The following WDR20 variants were observed in gnomAD, a reference collection of about 807,000 sequenced individuals.
The protein encoded by WDR20 is WD repeat domain 20, also known as WD repeat-containing protein 20.
In WDR20, 3 loss-of-function variants were observed where a neutral mutation model predicts 38.7. That is an observed-to-expected ratio of 0.08 (90% CI 0.04 to 0.20). The LOEUF (loss-of-function observed/expected upper bound fraction) is 0.20, where lower values mean the gene tolerates loss of function less well. Among genes scored for constraint, WDR20 ranks in the 10% least tolerant of loss-of-function variants. The pLI, the probability that WDR20 is intolerant of heterozygous loss-of-function variation, is 1.00. For synonymous variants in WDR20, 298 were observed against 285.6 expected (o/e 1.04, Z -0.44); for missense variants, 559 against 727.7 (o/e 0.77, Z 2.67).
chr14:102,213,028 A>T, downstream of WDR20: 1 of 990,676 alleles, frequency 1.0e-6, no homozygotes, highest in Non-Finnish European at 1.2e-6. Context: ...CCACCCGGCA[A>T]GGGGGCGAGC....
chr14:102,203,712 G>A (rs1201537113), intron 2 of WDR20, among the ~76,000 whole-genome samples: 2 of 152,040 alleles, frequency 1.3e-5, no homozygotes, highest in African/African-American at 4.8e-5. Context: ...TCCCTCAGAG[G>A]GACCGGGTAT....
At chr14:102,169,217 C>T (rs1180859802) in intron 1 of WDR20, among the ~76,000 whole-genome samples, 2 of 152,150 alleles carry the variant, frequency 1.3e-5, no homozygotes, top group Admixed American at 6.5e-5. Context: ...CCCCAGTGGC[C>T]ATGGCGCTGG....
intron 1 of WDR20, among the ~76,000 whole-genome samples, chr14:102,160,785 A>G (rs1368389376): frequency 1.3e-5 from 2 of 150,834 alleles, no homozygotes; most frequent in Non-Finnish European, 3.0e-5. Context: ...TACTAAATAT[A>G]TAAAAAAAAA....
intron 1 of WDR20, among the ~76,000 whole-genome samples, chr14:102,188,872 CAAAAAAAAA>C (rs34508888): frequency 1.0e-4 from 10 of 97,540 alleles, no homozygotes; most frequent in East Asian, 3.8e-4. Context: ...GACCCTGTTT[CAAAAAAAAA>C]AAAAAAAAAA....
At chr14:102,165,740 G>A (rs926216351) in intron 1 of WDR20, among the ~76,000 whole-genome samples, 21 of 150,298 alleles carry the variant, frequency 1.4e-4, no homozygotes, top group South Asian at 2.1e-4. Flanking sequence ...AGGCTCAGGT[G>A]ATCCTCCCAC....
At chr14:102,211,978 G>C (rs1264640186), downstream of WDR20, among the ~76,000 whole-genome samples, 1 of 152,150 alleles carries the variant, frequency 6.6e-6, no homozygotes, top group African/African-American at 2.4e-5. This position sits in a 1 kb window ranked among gnomAD's most constrained non-coding sequence, Gnocchi z 4.2. Context: ...ACCGACTGGG[G>C]ACTCTCTGAT....
In WDR20 at chr14:102,210,093, C is replaced by T; in HGVS notation, c.*213C>T. 7.5e-7 allele frequency: 1 copy of T among 1,328,946 alleles called. No homozygotes were observed. 82.3% of individuals were successfully genotyped at this position (1,328,946 alleles called of 1,614,324 possible). On this transcript the variant is annotated 3_prime_UTR_variant, in exon 3 of 3. Coordinates refer to ENST00000342702, the MANE Select transcript of WDR20 (RefSeq NM_144574.4). ...AAAAAAATATAATCAAACTAATTGC[C>T]AGCCAAGTCAGTCATCCTCCTGGGA...
intron 1 of WDR20, among the ~76,000 whole-genome samples, chr14:102,173,848 T>C (rs2061502892): frequency 6.6e-6 from 1 of 152,016 alleles, no homozygotes; most frequent in Non-Finnish European, 1.5e-5. Flanking sequence ...ATCGAGACCA[T>C]CCTGGCTAAC....
rs111610463 is a variant in WDR20, at chr14:102,175,850, C to T, written c.250-19088C>T. On this transcript the variant is annotated intron_variant, in intron 1 of 2. Transcript: ENST00000342702. The stretch of plus-strand genomic sequence containing the variant: ...GTTAAGTTCTTGATTTGATTCTCAG[C>T]TTGGTCGCTGTTGGTATATAGCAGA... Among the ~76,000 whole-genome samples, 1,413 of 152,272 alleles carry T rather than the reference C, an allele frequency of 9.3e-3. 18 individuals are homozygous for T. Among genetic ancestry groups the T allele is most frequent in the African/African-American group, 0.031 (1,300 of 41,544 alleles).
At chr14:102,213,632 A>T, downstream of WDR20, 1 of 985,154 alleles carries the variant, frequency 1.0e-6, no homozygotes, top group Non-Finnish European at 1.2e-6. Flanking sequence ...GGCTGACTTC[A>T]CCCCCAGGGC....
downstream of WDR20, chr14:102,212,372 A>G (rs995303252): frequency 1.2e-6 from 1 of 855,750 alleles, no homozygotes; most frequent in Admixed American, 2.5e-5. Context: ...TTCAGGGCCC[A>G]GTGGAGAGCA....
chr14:102,162,892 G>A lies in WDR20; in HGVS notation c.249+22720G>A, dbSNP rs150892639. On this transcript the variant is annotated intron_variant, in intron 1 of 2. Coordinates refer to ENST00000342702, the MANE Select transcript of WDR20 (RefSeq NM_144574.4). ...CTCCCAAAGTGCTGGGATTACAGGC[G>A]TGAGCCACCTTGCCAGGCCCTTAGA... 1.6e-4 allele frequency among the ~76,000 whole-genome samples: 25 copies of A among 152,270 alleles called. No homozygotes were observed. In the East Asian group the frequency reaches 1.9e-3, roughly 12 times the overall value.
intron 1 of WDR20, among the ~76,000 whole-genome samples, chr14:102,174,016 C>G (rs945500680): frequency 6.6e-6 from 1 of 150,620 alleles, no homozygotes; most frequent in African/African-American, 2.4e-5. Context: ...TGCACTCCAG[C>G]CTGGGCAACA....
In WDR20 at chr14:102,207,292, G is replaced by T. The variant is rs1484816639; in HGVS notation, c.433-1311G>T. 6.6e-6 allele frequency among the ~76,000 whole-genome samples: 1 copy of T among 152,240 alleles called. No homozygotes were observed. The highest frequency in any genetic ancestry group is 6.5e-5 in the Admixed American group (1 of 15,290). ...CTACTTTCTAGGGTCTAATGTTCATGCAGTGAGCTTGCATGGCTCATTAAT... is the reference window on the plus strand; with the variant it reads ...CTACTTTCTAGGGTCTAATGTTCATTCAGTGAGCTTGCATGGCTCATTAAT... On this transcript the variant is annotated intron_variant, in intron 2 of 2. Coordinates refer to ENST00000342702, the MANE Select transcript of WDR20 (RefSeq NM_144574.4). The surrounding 1 kb of genome is among the most constrained non-coding windows in gnomAD (Gnocchi z 5.0).
chr14:102,174,367 A>G (rs1281211694), intron 1 of WDR20, among the ~76,000 whole-genome samples: 1 of 152,110 alleles, frequency 6.6e-6, no homozygotes, highest in Non-Finnish European at 1.5e-5. Context: ...CCAGCCATGT[A>G]AAAGTGCTCG....
downstream of WDR20, among the ~76,000 whole-genome samples, chr14:102,224,094 T>G (rs1022323317): frequency 2.1e-5 from 3 of 146,014 alleles, no homozygotes; most frequent in Middle Eastern, 3.6e-3. Context: ...CAGGCTGGAG[T>G]GCAGTGGCGC....
In WDR20 at chr14:102,140,336, G is replaced by A. The variant is rs1025873581; in HGVS notation, c.249+164G>A. The A allele has an allele frequency of 4.2e-6, 5 of 1,182,860 alleles. No homozygotes were observed. The Admixed American group carries it at 1.1e-4, about 25-fold the overall frequency. The allele number at this position is 1,182,860 out of a possible 1,614,324, so 73.3% of individuals were successfully genotyped here. On this transcript the variant is annotated intron_variant, in intron 1 of 2. Coordinates refer to ENST00000342702, the MANE Select transcript of WDR20 (RefSeq NM_144574.4). ...ACTCCTGAGGAGAGGGGATTCAGGA[G>A]TAAGGAGGGTGGTGGCGGTGGCGTT...
At chr14:102,214,160 G>A, downstream of WDR20, 2 of 985,626 alleles carry the variant, frequency 2.0e-6, no homozygotes, top group Non-Finnish European at 2.4e-6. Flanking sequence ...TAGGGGTCGG[G>A]TGACCTGGAG....
rs574814928 is a variant in WDR20, at chr14:102,184,647, G to A, written c.250-10291G>A. 2.8e-3 allele frequency among the ~76,000 whole-genome samples: 419 copies of A among 152,258 alleles called. 11 individuals carry two copies. The highest frequency in any genetic ancestry group is 6.2e-4 in the Non-Finnish European group (42 of 68,020). Reference sequence around the variant, plus strand: ...ATCTGATGAGCAGCAAGCAATTCCAGAGATTGTCACTGTGAAATTTTTACT... The same window carrying A: ...ATCTGATGAGCAGCAAGCAATTCCAAAGATTGTCACTGTGAAATTTTTACT... On this transcript the variant is annotated intron_variant, in intron 1 of 2. Transcript: ENST00000342702.
Sources: gnomAD v4.1 joint callset for allele counts (sites outside exome capture counted in the v4.1 genomes callset) on GRCh38, gnomAD v4.1.1 for gene constraint, Gnocchi (gnomAD v3.1) non-coding constraint, MANE v1.5 for transcripts, NCBI Gene and HGNC (gene_info 2026-07-23, HGNC 2026-07-21) for gene names.